Variants in MTUS2 observed in about 807,000 individuals in gnomAD.
The protein encoded by MTUS2 is microtubule associated scaffold protein 2.
MTUS2 carries 40 observed loss-of-function variants against 114.1 expected under a neutral mutation model. The ratio of observed to expected loss-of-function variants is 0.35; its 90% CI spans 0.27 to 0.46. The LOEUF (loss-of-function observed/expected upper bound fraction) is 0.46. MTUS2 is among the 20% of genes least tolerant of loss of function. MTUS2 has a pLI of 1.00. For missense variants in MTUS2, 1,679 were observed against 1,705.4 expected, an observed-to-expected ratio of 0.98 and a Z score of 0.27; for synonymous variants, 688 against 672.0, an observed-to-expected ratio of 1.02 and a Z score of -0.37.
intron 8 of MTUS2, among the ~76,000 whole-genome samples, chr13:29,360,591 C>A (rs1870144565): frequency 6.6e-6 from 1 of 151,930 alleles, no homozygotes; most frequent in Admixed American, 6.6e-5. Context: ...GAATTTTAAC[C>A]CCAGCAGAAA....
chr13:28,928,866 TG>T (rs1881465489), intron 2 of MTUS2, among the ~76,000 whole-genome samples: 1 of 152,206 alleles, frequency 6.6e-6, no homozygotes, highest in Admixed American at 6.5e-5. Flanking sequence ...AAAGAAAATG[TG>T]ATATATATGT....
intron 10 of MTUS2, among the ~76,000 whole-genome samples, chr13:29,484,644 C>T (rs115227594): frequency 0.016 from 2,436 of 152,322 alleles, 63 homozygotes; most frequent in African/African-American, 0.055. Context: ...TCATTAAGAG[C>T]GTGGGAGAGA....
Position 29,480,239 on chromosome 13 carries a change from C to A in MTUS2, c.3274C>A (p.Gln1092Lys). The A allele has an allele frequency of 6.4e-7, 1 of 1,553,472 alleles. No individual in the cohort carries two copies. Among genetic ancestry groups the A allele is most frequent in the Non-Finnish European group, 8.7e-7 (1 of 1,148,118 alleles). The change falls in exon 10 of 16, where the codon CAG becomes AAG. Residue 1092 changes from glutamine (Q) to lysine (K), a missense_variant. By Grantham distance (53) the Gln-to-Lys change is moderately conservative. Coordinates refer to ENST00000612955, the MANE Select transcript of MTUS2 (RefSeq NM_001033602.4). This position sits in a 1 kb window ranked among gnomAD's most constrained non-coding sequence, Gnocchi z 4.4. Reference protein sequence around the residue: ...FEDEVKRLGWQQQAELQELEE... With the variant: ...FEDEVKRLGWKQQAELQELEE... Reference sequence around the variant, plus strand: ...GGACGAGGTGAAGAGGCTGGGCTGGCAGCAGCAGGCCGAGCTCCAGGAGCT... The same window carrying A: ...GGACGAGGTGAAGAGGCTGGGCTGGAAGCAGCAGGCCGAGCTCCAGGAGCT...
intron 5 of MTUS2, among the ~76,000 whole-genome samples, chr13:29,123,713 A>C (rs939507903): frequency 1.5e-4 from 23 of 151,386 alleles, no homozygotes; most frequent in Admixed American, 5.9e-4. Flanking sequence ...TCTCAAAACA[A>C]ACACACACAC....
intron 5 of MTUS2, among the ~76,000 whole-genome samples, chr13:29,259,655 C>T (rs940981486): frequency 5.9e-5 from 9 of 152,162 alleles, no homozygotes; most frequent in East Asian, 3.9e-4. Flanking sequence ...AAGATGTCTG[C>T]GATTTTATTT....
intron 6 of MTUS2, among the ~76,000 whole-genome samples, chr13:29,296,348 A>G (rs1898943032): frequency 6.6e-6 from 1 of 151,900 alleles, no homozygotes; most frequent in African/African-American, 2.4e-5. Context: ...GGGATTACAG[A>G]CACACACCAC....
chr13:29,038,814 G>A (rs1297506871), intron 4 of MTUS2, among the ~76,000 whole-genome samples: 1 of 152,206 alleles, frequency 6.6e-6, no homozygotes, highest in Non-Finnish European at 1.5e-5. Context: ...CGCCCAGCTC[G>A]AACTTTCTGG....
chr13:28,887,691 G>A lies in MTUS2; in HGVS notation c.-243+47841G>A, dbSNP rs1383119846. On this transcript the variant is annotated intron_variant, in intron 2 of 15. Transcript: ENST00000612955. ...AAGGTGGGATGACCTTCATGCACTC[G>A]GGCAAGAGCAAAGGCCCATATGGCT... is the stretch of plus-strand genomic sequence containing the variant. Among the ~76,000 whole-genome samples, 6 of 152,270 alleles carry A rather than the reference G, an allele frequency of 3.9e-5. No homozygotes were observed. The East Asian group carries it at 9.7e-4, about 25-fold the overall frequency.
At chr13:29,226,849 A>T (rs1896125516) in intron 5 of MTUS2, among the ~76,000 whole-genome samples, 1 of 152,212 alleles carries the variant, frequency 6.6e-6, no homozygotes, top group African/African-American at 2.4e-5. Flanking sequence ...AAATTAAGCC[A>T]TTGTAAAGAT....
chr13:29,364,003 CCAAGATACAAATA>C (rs1236838001), intron 8 of MTUS2, among the ~76,000 whole-genome samples: 1 of 152,056 alleles, frequency 6.6e-6, no homozygotes, highest in Non-Finnish European at 1.5e-5. Context: ...AGTGATGGAG[CCAAGATACAAATA>C]CAGGCCAGGC....
intron 5 of MTUS2, among the ~76,000 whole-genome samples, chr13:29,155,408 A>G (rs1308953203): frequency 6.6e-6 from 1 of 152,216 alleles, no homozygotes; most frequent in Non-Finnish European, 1.5e-5. Context: ...AGTCCAGTGC[A>G]TTTGATCTCA....
intron 2 of MTUS2, among the ~76,000 whole-genome samples, chr13:28,930,238 T>C (rs17648384): frequency 0.02 from 3,104 of 152,322 alleles, 51 homozygotes; most frequent in Non-Finnish European, 0.031. Context: ...AAAAATGATG[T>C]TATGTTTTCG....
At chr13:29,363,952 TG>T (rs900404708) in intron 8 of MTUS2, among the ~76,000 whole-genome samples, 85 of 152,244 alleles carry the variant, frequency 5.6e-4, no homozygotes, top group African/African-American at 1.8e-3. Context: ...AACTGAGGTT[TG>T]GGGAGATTGC....
intron 15 of MTUS2, among the ~76,000 whole-genome samples, chr13:29,502,729 C>G (rs1193567449): frequency 6.6e-6 from 1 of 152,254 alleles, no homozygotes; most frequent in East Asian, 1.9e-4. Context: ...TTTGCTCTGT[C>G]CAGTGGACAG....
rs759889584 is a variant in MTUS2, at chr13:29,024,706, TC to T, written c.11del (p.Pro4GlnfsTer27). 1 of 1,613,728 alleles carries T rather than the reference TC, an allele frequency of 6.2e-7. No homozygotes were observed. The highest frequency in any genetic ancestry group is 8.5e-7 in the Non-Finnish European group (1 of 1,179,772). MSVPVAPKKSCYT... is the reference protein window; with the variant it reads MSXPVAPKKSCYT... ...CCCACCAAAGGGTTGACAATGAGCG[TC>T]CCAGTGGCTCCTAAGAAATCATGTT... On this transcript the variant is annotated frameshift_variant, in exon 3 of 16. Transcript: ENST00000612955. LOFTEE classifies it high-confidence loss of function.
intron 9 of MTUS2, among the ~76,000 whole-genome samples, chr13:29,454,481 A>T (rs571341100): frequency 1.7e-3 from 255 of 152,338 alleles, no homozygotes; most frequent in African/African-American, 5.9e-3. Flanking sequence ...TAGAAAATCA[A>T]ATTGCCAATT....
At chr13:29,473,204 C>T (rs1198813125) in intron 9 of MTUS2, among the ~76,000 whole-genome samples, 1 of 151,908 alleles carries the variant, frequency 6.6e-6, no homozygotes, top group African/African-American at 2.4e-5. Flanking sequence ...TATTTTATAG[C>T]TATTATAAAG....
At chr13:29,440,074 A>C in intron 9 of MTUS2, 25 bp downstream of exon 9, 3 of 1,560,946 alleles carry the variant, frequency 1.9e-6, no homozygotes, top group Non-Finnish European at 2.6e-6. Context: ...GACAATGAGG[A>C]GCATAAAGAA....
At chr13:29,084,907 G>A (rs7330107) in intron 4 of MTUS2, among the ~76,000 whole-genome samples, 1 of 151,914 alleles carries the variant, frequency 6.6e-6, no homozygotes, top group African/African-American at 2.4e-5. Context: ...TGGTTTGGAT[G>A]TGTGTCCCTC....
Sources: allele counts gnomAD v4.1 joint callset (sites outside exome capture counted in the v4.1 genomes callset), GRCh38; gene constraint gnomAD v4.1.1; non-coding constraint Gnocchi (gnomAD v3.1); transcripts MANE v1.5; gene names NCBI Gene and HGNC (gene_info 2026-07-23, HGNC 2026-07-21).